CTNND2: variants seen among roughly 807,000 people sequenced by gnomAD.
The protein encoded by CTNND2 is catenin delta-2.
In CTNND2, 22 loss-of-function variants were observed where a neutral mutation model predicts 144.4. That is an observed-to-expected ratio of 0.15 (90% confidence interval 0.11 to 0.22). The LOEUF (loss-of-function observed/expected upper bound fraction) is 0.22, where lower values mean the gene tolerates loss of function less well. CTNND2 is among the 10% of genes least tolerant of loss of function. The pLI is 1.00. For missense variants in CTNND2, 1,353 were observed against 1,618.8 expected, an observed-to-expected ratio of 0.84 and a Z score of 2.82; for synonymous variants, 751 against 695.6, an observed-to-expected ratio of 1.08 and a Z score of -1.25.
At chr5:11,018,169 G>A in intron 17 of CTNND2, 111 bp from the exon 18 acceptor site, 1 of 721,992 alleles carries the variant, frequency 1.4e-6, no homozygotes, top group East Asian at 2.8e-5. Flanking sequence ...CTATTATGGT[G>A]ATCTATGATC....
At chr5:11,726,808 G>C (rs1411445606) in intron 2 of CTNND2, among the ~76,000 whole-genome samples, 2 of 152,116 alleles carry the variant, frequency 1.3e-5, no homozygotes, top group South Asian at 2.1e-4. Context: ...AAATAGAACA[G>C]AGCATAAAAC....
At chr5:11,589,135 T>C in intron 2 of CTNND2, 4 of 588,840 alleles carry the variant, frequency 6.8e-6, no homozygotes, top group Non-Finnish European at 8.6e-6. Context: ...CAACAGTGAA[T>C]TTAGACCCCC....
chr5:11,298,276 T>C (rs1023174608), intron 9 of CTNND2, among the ~76,000 whole-genome samples: 1 of 152,166 alleles, frequency 6.6e-6, no homozygotes, highest in African/African-American at 2.4e-5. Context: ...GTTCAAGTGT[T>C]CCTCCCACCT....
chr5:11,626,834 A>G (rs2126451671), intron 2 of CTNND2, among the ~76,000 whole-genome samples: 1 of 152,358 alleles, frequency 6.6e-6, no homozygotes, highest in East Asian at 1.9e-4. Context: ...ATGAGCACAC[A>G]CATTCACACA....
intron 3 of CTNND2, among the ~76,000 whole-genome samples, chr5:11,441,689 T>C (rs1371105984): frequency 7.7e-6 from 1 of 129,372 alleles, no homozygotes; most frequent in African/African-American, 3.0e-5. Context: ...TGTGAGCCAC[T>C]TGGCCCGGTC....
At chr5:11,323,427 G>C (rs1185894607) in intron 9 of CTNND2, among the ~76,000 whole-genome samples, 1 of 152,154 alleles carries the variant, frequency 6.6e-6, no homozygotes, top group Admixed American at 6.5e-5. Flanking sequence ...CATGATCTAT[G>C]ATGATGAACT....
rs1763595213 is a variant in CTNND2, at chr5:11,434,624, G to T, written c.288-22555C>A. On this transcript the variant is annotated intron_variant, in intron 3 of 21. Transcript: ENST00000304623. ...ACGAAATGCATCAACAAATAAAATGGATAAGCATTTGGAAAGAGGGGGTAG... is the reference window on the plus strand; with the variant it reads ...ACGAAATGCATCAACAAATAAAATGTATAAGCATTTGGAAAGAGGGGGTAG... Among the ~76,000 whole-genome samples the T allele has an allele frequency of 2.0e-5, 3 of 149,828 alleles. No individual in the cohort carries two copies. The South Asian group carries it at 6.3e-4, about 31-fold the overall frequency.
At chr5:11,670,181 T>G in intron 2 of CTNND2, among the ~76,000 whole-genome samples, 1 of 152,200 alleles carries the variant, frequency 6.6e-6, no homozygotes, top group Non-Finnish European at 1.5e-5. Context: ...TATGTGTCAA[T>G]TTTAGAATAA....
intron 2 of CTNND2, among the ~76,000 whole-genome samples, chr5:11,672,715 A>G (rs540543910): frequency 1.3e-5 from 2 of 152,054 alleles, no homozygotes; most frequent in South Asian, 2.1e-4. Flanking sequence ...TGGGCTCCAT[A>G]GGGGTGGGAC....
intron 1 of CTNND2, among the ~76,000 whole-genome samples, chr5:11,833,527 G>GC (rs1338998883): frequency 6.6e-6 from 1 of 150,760 alleles, no homozygotes; most frequent in African/African-American, 2.4e-5. Context: ...AAACTATTTT[G>GC]TTTTTTTTTG....
At chr5:11,354,861 C>T (rs186575286) in intron 8 of CTNND2, among the ~76,000 whole-genome samples, 210 of 152,216 alleles carry the variant, frequency 1.4e-3, no homozygotes, top group African/African-American at 4.9e-3. Context: ...ACAAACAAGT[C>T]TTAACAAATT....
At chr5:11,836,683 C>G (rs1418409975) in intron 1 of CTNND2, among the ~76,000 whole-genome samples, 1 of 152,070 alleles carries the variant, frequency 6.6e-6, no homozygotes, top group Non-Finnish European at 1.5e-5. Context: ...AAAAAAAACT[C>G]TACTTTGCTA....
rs1217087138 is a variant in CTNND2, at chr5:11,018,183, G to T, written c.3000-125C>A. On this transcript the variant is annotated intron_variant, in intron 17 of 21. Coordinates refer to ENST00000304623, the MANE Select transcript of CTNND2 (RefSeq NM_001332.4). ...TCTATTATGGTGATCTATGATCAGT[G>T]CTCCCTGATATTACTACTGTAATTG... 7.6e-6 allele frequency: 5 copies of T among 659,578 alleles called. No individual in the cohort carries two copies. In the Admixed American group the frequency reaches 9.1e-5, roughly 12 times the overall value. The allele number at this position is 659,578 out of a possible 1,614,324, so 40.9% of individuals were successfully genotyped here.
intron 9 of CTNND2, among the ~76,000 whole-genome samples, chr5:11,293,014 C>T (rs1748524421): frequency 6.6e-6 from 1 of 152,180 alleles, no homozygotes; most frequent in African/African-American, 2.4e-5. Flanking sequence ...TAAAATCCTT[C>T]GCAAACTTAG....
At chr5:11,694,034 A>G (rs1785028754) in intron 2 of CTNND2, among the ~76,000 whole-genome samples, 1 of 152,244 alleles carries the variant, frequency 6.6e-6, no homozygotes. Flanking sequence ...TTGAACACAT[A>G]TATTTTCTCC....
intron 3 of CTNND2, among the ~76,000 whole-genome samples, chr5:11,540,839 G>T (rs1774663733): frequency 6.6e-6 from 1 of 152,062 alleles, no homozygotes; most frequent in Non-Finnish European, 1.5e-5. Flanking sequence ...AAATAATAAG[G>T]GTTTATACTT....
At chr5:11,880,319 G>C (rs1450179621) in intron 1 of CTNND2, among the ~76,000 whole-genome samples, 1 of 152,014 alleles carries the variant, frequency 6.6e-6, no homozygotes, top group African/African-American at 2.4e-5. Context: ...CAAAAGTTCT[G>C]TAAGAGTTCA....
chr5:11,121,824 C>T (rs1754174482), intron 12 of CTNND2, among the ~76,000 whole-genome samples: 1 of 152,172 alleles, frequency 6.6e-6, no homozygotes, highest in African/African-American at 2.4e-5. Context: ...GATCAAACCA[C>T]AGGGAAAACC....
intron 1 of CTNND2, among the ~76,000 whole-genome samples, chr5:11,806,033 A>C (rs1791976684): frequency 6.6e-6 from 1 of 152,182 alleles, no homozygotes; most frequent in Non-Finnish European, 1.5e-5. Context: ...CCTCAAAACT[A>C]TCAAAGTTAT....
Sources: gnomAD v4.1 joint callset for allele counts (sites outside exome capture counted in the v4.1 genomes callset) on GRCh38, gnomAD v4.1.1 for gene constraint, MANE v1.5 for transcripts, NCBI Gene and HGNC (gene_info 2026-07-23, HGNC 2026-07-21) for gene names.